MACROD2: variants seen among roughly 807,000 people sequenced by gnomAD.
The protein encoded by MACROD2 is ADP-ribose glycohydrolase MACROD2.
Under a neutral mutation model 70.4 loss-of-function variants are expected in MACROD2, and 36 were observed. That is an observed-to-expected ratio of 0.51 (90% CI 0.39 to 0.68). The LOEUF is 0.68. MACROD2 is among the 30% of genes least tolerant of loss of function. MACROD2 has a pLI of 0.00. For missense variants in MACROD2, 496 were observed against 538.4 expected, an observed-to-expected ratio of 0.92 and a Z score of 0.78; for synonymous variants, 172 against 178.8, an observed-to-expected ratio of 0.96 and a Z score of 0.30.
chr20:14,568,764 A>T (rs2123312593), intron 4 of MACROD2, among the ~76,000 whole-genome samples: 1 of 152,108 alleles, frequency 6.6e-6, no homozygotes, highest in South Asian at 2.1e-4. Context: ...TGCTTTGAAA[A>T]TGTAGGCTTT....
At chr20:15,503,804 T>C (rs1482083558) in intron 8 of MACROD2, among the ~76,000 whole-genome samples, 1 of 152,200 alleles carries the variant, frequency 6.6e-6, no homozygotes, top group Non-Finnish European at 1.5e-5. Context: ...GTGGATAAGG[T>C]TGCATTTTCT....
intron 15 of MACROD2, among the ~76,000 whole-genome samples, chr20:16,038,866 A>C (rs1237513611): frequency 6.6e-6 from 1 of 151,982 alleles, no homozygotes; most frequent in Non-Finnish European, 1.5e-5. Flanking sequence ...CTGACAGCAG[A>C]GCACTATAAT....
chr20:15,301,289 T>C (rs2077639978), intron 6 of MACROD2, among the ~76,000 whole-genome samples: 1 of 152,166 alleles, frequency 6.6e-6, no homozygotes, highest in South Asian at 2.1e-4. Context: ...AGCAGTTACC[T>C]GGCAGGCCTG....
intron 8 of MACROD2, among the ~76,000 whole-genome samples, chr20:15,623,231 A>G (rs2049153061): frequency 6.6e-6 from 1 of 152,228 alleles, no homozygotes; most frequent in Admixed American, 6.5e-5. Flanking sequence ...AGTTCAATCT[A>G]ATGTAAACTA....
chr20:15,185,075 C>A (rs2076525649), intron 5 of MACROD2, among the ~76,000 whole-genome samples: 1 of 152,136 alleles, frequency 6.6e-6, no homozygotes, highest in Non-Finnish European at 1.5e-5. Flanking sequence ...TGATTGCATG[C>A]ACATCTTGTC....
At chr20:15,691,931 G>A (rs995907416) in intron 8 of MACROD2, among the ~76,000 whole-genome samples, 2 of 152,196 alleles carry the variant, frequency 1.3e-5, no homozygotes, top group Non-Finnish European at 2.9e-5. Context: ...CTCACCTGCA[G>A]AGAATATTCT....
rs1250028659 is a variant in MACROD2, at chr20:15,562,403, G to T, written c.645+62556G>T. ...TTTTCCACCACATTTCTTGCCAGCAGCTATGATTAGGTGCACCTAAGCTTT... is the reference window on the plus strand; with the variant it reads ...TTTTCCACCACATTTCTTGCCAGCATCTATGATTAGGTGCACCTAAGCTTT... On this transcript the variant is annotated intron_variant, in intron 8 of 17. Coordinates refer to ENST00000684519, the MANE Select transcript of MACROD2 (RefSeq NM_001351661.2). Among the ~76,000 whole-genome samples, 5 of 152,116 alleles carry T rather than the reference G, an allele frequency of 3.3e-5. 1 individual carries two copies. The highest frequency in any genetic ancestry group is 7.4e-5 in the Non-Finnish European group (5 of 68,014).
chr20:15,335,617 C>A (rs989430923), intron 6 of MACROD2, among the ~76,000 whole-genome samples: 6 of 151,630 alleles, frequency 4.0e-5, no homozygotes, highest in African/African-American at 1.5e-4. Flanking sequence ...AGACAGCCTA[C>A]AAAATAGTTT....
At chr20:15,652,537 A>C (rs2049660917) in intron 8 of MACROD2, among the ~76,000 whole-genome samples, 1 of 152,214 alleles carries the variant, frequency 6.6e-6, no homozygotes, top group Non-Finnish European at 1.5e-5. Context: ...TAGGTTCACT[A>C]ACTAGCTGGG....
intron 8 of MACROD2, among the ~76,000 whole-genome samples, chr20:15,583,114 C>A (rs1270351292): frequency 6.6e-6 from 1 of 152,148 alleles, no homozygotes; most frequent in Non-Finnish European, 1.5e-5. Flanking sequence ...ATCTCTCAAT[C>A]CATTTATCCT....
intron 6 of MACROD2, among the ~76,000 whole-genome samples, chr20:15,259,805 C>T (rs1204536469): frequency 6.6e-6 from 1 of 151,738 alleles, no homozygotes; most frequent in Non-Finnish European, 1.5e-5. Flanking sequence ...TCTCTCTGGC[C>T]CCAGATATGA....
chr20:14,962,328 T>G (rs1208573694), intron 5 of MACROD2, among the ~76,000 whole-genome samples: 1 of 152,036 alleles, frequency 6.6e-6, no homozygotes, highest in Non-Finnish European at 1.5e-5. Flanking sequence ...AGAGAGAATC[T>G]CACGCTGTCA....
chr20:15,713,237 A>C (rs2050654443), intron 8 of MACROD2, among the ~76,000 whole-genome samples: 1 of 152,212 alleles, frequency 6.6e-6, no homozygotes, highest in East Asian at 1.9e-4. Context: ...TCTGTATCTC[A>C]GAGTTTAAAA....
intron 5 of MACROD2, among the ~76,000 whole-genome samples, chr20:14,912,704 T>A (rs2074042473): frequency 6.6e-6 from 1 of 152,128 alleles, no homozygotes. Flanking sequence ...AAGGATTATG[T>A]CGTCTTCAAG....
intron 5 of MACROD2, among the ~76,000 whole-genome samples, chr20:15,012,380 C>T (rs1474166316): frequency 6.6e-6 from 1 of 152,100 alleles, no homozygotes; most frequent in African/African-American, 2.4e-5. Context: ...AGTGAGCATC[C>T]AGCCCCAAGC....
At chr20:15,164,829 A>G (rs1361595199) in intron 5 of MACROD2, among the ~76,000 whole-genome samples, 5 of 152,138 alleles carry the variant, frequency 3.3e-5, no homozygotes, top group African/African-American at 7.2e-5. Context: ...TGGTCCCAAG[A>G]GTTAGGGGCT....
chr20:15,246,036 C>G (rs1016289233), intron 6 of MACROD2, among the ~76,000 whole-genome samples: 2 of 152,130 alleles, frequency 1.3e-5, no homozygotes, highest in South Asian at 2.1e-4. Context: ...TAGACATGTC[C>G]AGATGTAACG....
At chr20:15,208,382 T>A (rs958574663) in intron 5 of MACROD2, among the ~76,000 whole-genome samples, 1 of 152,210 alleles carries the variant, frequency 6.6e-6, no homozygotes, top group African/African-American at 2.4e-5. Context: ...TCCTTTAAAA[T>A]CTTAGTTTTA....
chr20:15,528,334 C>T (rs1347258986), intron 8 of MACROD2, among the ~76,000 whole-genome samples: 1 of 152,186 alleles, frequency 6.6e-6, no homozygotes, highest in Non-Finnish European at 1.5e-5. Context: ...GGGGTTTCAC[C>T]ATATTGGTCA....
Sources: gnomAD v4.1 joint callset for allele counts (sites outside exome capture counted in the v4.1 genomes callset) on GRCh38, gnomAD v4.1.1 for gene constraint, MANE v1.5 for transcripts, NCBI Gene and HGNC (gene_info 2026-07-23, HGNC 2026-07-21) for gene names.